The following RAD51C variants were observed in gnomAD, a reference collection of about 807,000 sequenced individuals.
RAD51C encodes RAD51 paralog C, also known as DNA repair protein RAD51 homolog 3.
RAD51C carries 42 observed loss-of-function variants against 45.0 expected under a neutral mutation model. That is an observed-to-expected ratio of 0.93 (90% CI 0.73 to 1.21). The LOEUF (loss-of-function observed/expected upper bound fraction) is 1.21, where lower values mean the gene tolerates loss of function less well. Among genes scored for constraint, RAD51C ranks in the 50% most tolerant of loss-of-function variants. The pLI, the probability that RAD51C is intolerant of heterozygous loss-of-function variation, is 0.00. For synonymous variants in RAD51C, 172 were observed against 159.8 expected (o/e 1.08, Z -0.58); for missense variants, 474 against 452.2 (o/e 1.05, Z -0.44).
chr17:58,701,409 G>A (rs1269544536), intron 3 of RAD51C, among the ~76,000 whole-genome samples: 1 of 151,548 alleles, frequency 6.6e-6, no homozygotes, highest in Non-Finnish European at 1.5e-5. Flanking sequence ...TGGGGAGGCT[G>A]AGGCAGGAGA....
At position 58,692,720 on chromosome 17, in the gene RAD51C, A is replaced by C. The variant is rs746026526; in HGVS notation, c.77A>C (p.Lys26Thr). Residue 26 changes from lysine (K) to threonine (T), a missense_variant, in exon 1 of 9, where the codon AAG (lysine) becomes ACG (threonine). Lys to Thr is a moderately conservative substitution (Grantham distance 78). Transcript: ENST00000337432. ...CCGCTGTCTCCAGCGGTGCGGGTGAAGCTGGTGTCTGCGGGGTTCCAGACT... is the reference window on the plus strand; with the variant it reads ...CCGCTGTCTCCAGCGGTGCGGGTGACGCTGGTGTCTGCGGGGTTCCAGACT... ...SFPLSPAVRV[K>T]LVSAGFQTAE... is the part of the protein sequence containing the mutation. The C allele has an allele frequency of 1.2e-6, 2 of 1,614,228 alleles. No homozygotes were observed. Among genetic ancestry groups the C allele is most frequent in the Non-Finnish European group, 1.7e-6 (2 of 1,180,042 alleles).
chr17:58,696,811 G>GC lies in RAD51C; in HGVS notation c.525dup (p.Cys176LeufsTer27), dbSNP rs768793789. ...TGATAGAGTGGTAGACCTTGCTACT[G>GC]CCTGCATTCAGCACCTTCAGCTTAT... On this transcript the variant is annotated frameshift_variant, in exon 3 of 9. Transcript: ENST00000337432. LOFTEE classifies it high-confidence loss of function. 2 of 1,614,170 alleles carry GC rather than the reference G, an allele frequency of 1.2e-6. No homozygotes were observed. Among genetic ancestry groups the GC allele is most frequent in the Non-Finnish European group, 1.7e-6 (2 of 1,180,020 alleles).
intron 4 of RAD51C, among the ~76,000 whole-genome samples, chr17:58,707,445 C>G (rs1734976095): frequency 6.6e-6 from 1 of 151,556 alleles, no homozygotes; most frequent in Admixed American, 6.6e-5. Context: ...TTGCTTGAAC[C>G]AGGGAGGTGG....
At chr17:58,729,965 G>A (rs906258431) in intron 7 of RAD51C, among the ~76,000 whole-genome samples, 1 of 151,816 alleles carries the variant, frequency 6.6e-6, no homozygotes, top group Non-Finnish European at 1.5e-5. Context: ...CACCTTTTTT[G>A]GACATACTGT....
In RAD51C at chr17:58,703,221, C is replaced by A. The variant is rs1310279611; in HGVS notation, c.597C>A (p.Phe199Leu). ...AACACCGAAAAGCTTTGGAGGATTTCACTCTTGATAATATTCTTTCTCATA... is the reference window on the plus strand; with the variant it reads ...AACACCGAAAAGCTTTGGAGGATTTAACTCTTGATAATATTCTTTCTCATA... ...GEEHRKALED[F>L]TLDNILSHIY... The change falls in exon 4 of 9, where the codon TTC becomes TTA. Residue 199 changes from phenylalanine (F) to leucine (L), a missense_variant. Phe to Leu is a conservative substitution (Grantham distance 22). Coordinates refer to ENST00000337432, the MANE Select transcript of RAD51C (RefSeq NM_058216.3). The A allele has an allele frequency of 6.2e-7, 1 of 1,610,942 alleles. No homozygotes were observed. The highest frequency in any genetic ancestry group is 1.1e-5 in the South Asian group (1 of 91,002).
chr17:58,700,505 C>T (rs1176932708), intron 3 of RAD51C, among the ~76,000 whole-genome samples: 3 of 151,484 alleles, frequency 2.0e-5, no homozygotes, highest in Non-Finnish European at 2.9e-5. Flanking sequence ...TGCAGTGGCG[C>T]GATCTGGGCT....
chr17:58,703,500 A>C (rs1008767172), intron 4 of RAD51C, among the ~76,000 whole-genome samples, 171 bp downstream of exon 4: 1 of 152,202 alleles, frequency 6.6e-6, no homozygotes, highest in African/African-American at 2.4e-5. Context: ...TTGTGTATGT[A>C]TATGTATATA....
At position 58,717,046 on chromosome 17, in the gene RAD51C, G is replaced by A. The variant is rs957128038; in HGVS notation, c.838-3700G>A. Reference sequence around the variant, plus strand: ...CTCGCTCTGACCTCGTGATCCGCCCGCCTCGGCCTCCCAAAGTGCTGGGAT... The same window carrying A: ...CTCGCTCTGACCTCGTGATCCGCCCACCTCGGCCTCCCAAAGTGCTGGGAT... On this transcript the variant is annotated intron_variant, in intron 5 of 8. Transcript: ENST00000337432. 4.2e-4 allele frequency among the ~76,000 whole-genome samples: 64 copies of A among 151,968 alleles called. 1 individual carries two copies. Among genetic ancestry groups the A allele is most frequent in the African/African-American group, 1.3e-3 (55 of 41,510 alleles).
intron 3 of RAD51C, among the ~76,000 whole-genome samples, chr17:58,699,545 A>G (rs1268913747): frequency 1.3e-5 from 2 of 152,102 alleles, no homozygotes; most frequent in Non-Finnish European, 1.5e-5. Context: ...CCACCCTGAA[A>G]TATGCCACTT....
chr17:58,692,584 G>A (rs2143667170), upstream of RAD51C: 2 of 1,597,976 alleles, frequency 1.3e-6, no homozygotes, highest in African/African-American at 1.4e-5. Flanking sequence ...ACGTCACGCC[G>A]CACGCCCCAG....
intron 4 of RAD51C, among the ~76,000 whole-genome samples, chr17:58,708,724 G>A (rs1229375830): frequency 6.6e-6 from 1 of 151,908 alleles, no homozygotes; most frequent in East Asian, 1.9e-4. Context: ...CTTTTGAAAG[G>A]GTTTTGCTCT....
rs567685905 is a variant in RAD51C at position 58,727,388 on chromosome 17, T to A, written c.965+3288T>A. Among the ~76,000 whole-genome samples, 8 of 152,158 alleles carry A rather than the reference T, an allele frequency of 5.3e-5. No homozygotes were observed. The South Asian group carries it at 1.7e-3, about 32-fold the overall frequency. On this transcript the variant is annotated intron_variant, in intron 7 of 8. Coordinates refer to ENST00000337432, the MANE Select transcript of RAD51C (RefSeq NM_058216.3). Reference sequence around the variant, plus strand: ...ACCTGCCCACCTCAGCCTCTCAAAGTGCTGGGATTACAGGCATGAGCCACC... The same window carrying A: ...ACCTGCCCACCTCAGCCTCTCAAAGAGCTGGGATTACAGGCATGAGCCACC...
intron 4 of RAD51C, among the ~76,000 whole-genome samples, chr17:58,706,860 CTATT>C (rs989494837): frequency 6.6e-6 from 1 of 152,150 alleles, no homozygotes; most frequent in African/African-American, 2.4e-5. Flanking sequence ...CATGGATAAT[CTATT>C]TATAGAGTCA....
At chr17:58,732,658 A>T (rs2049480406) in intron 8 of RAD51C, 114 bp downstream of exon 8, 2 of 985,264 alleles carry the variant, frequency 2.0e-6, no homozygotes, top group Non-Finnish European at 3.2e-6. Context: ...ATATTTGAGG[A>T]CAGCTTTTGA....
rs565314848 is a variant in RAD51C at position 58,706,423 on chromosome 17, C to A, written c.705+3094C>A. On this transcript the variant is annotated intron_variant, in intron 4 of 8. Coordinates refer to ENST00000337432, the MANE Select transcript of RAD51C (RefSeq NM_058216.3). ...CCAGCCTGAGTGACAGAGTGAGACTCCATCTCAAAAAAATAATAATAATTA... is the reference window on the plus strand; with the variant it reads ...CCAGCCTGAGTGACAGAGTGAGACTACATCTCAAAAAAATAATAATAATTA... The A allele has an allele frequency of 1.2e-3, 385 of 318,874 alleles. 9 individuals are homozygous for A. The highest frequency in any genetic ancestry group is 0.011 in the South Asian group (376 of 35,612). 19.8% of individuals were successfully genotyped at this position (318,874 alleles called of 1,614,324 possible).
intron 5 of RAD51C, among the ~76,000 whole-genome samples, chr17:58,719,878 G>A (rs1164274789): frequency 2.7e-5 from 4 of 150,818 alleles, no homozygotes; most frequent in East Asian, 4.0e-4. Context: ...ACAGGCGCCC[G>A]CCACCACGCC....
chr17:58,692,947 A>G (rs760603345), intron 1 of RAD51C, 159 bp downstream of exon 1: 150 of 1,059,176 alleles, frequency 1.4e-4, no homozygotes, highest in Non-Finnish European at 1.8e-4. Context: ...TCCACTTACA[A>G]GTTGTCTGAA....
intron 1 of RAD51C, 61 bp from the exon 2 acceptor site, chr17:58,694,870 T>C: frequency 7.1e-7 from 1 of 1,400,384 alleles, no homozygotes; most frequent in Admixed American, 1.7e-5. Flanking sequence ...GACAATCGAT[T>C]ATCATGTTAC....
At chr17:58,729,058 C>G (rs2049292233) in intron 7 of RAD51C, among the ~76,000 whole-genome samples, 1 of 152,172 alleles carries the variant, frequency 6.6e-6, no homozygotes, top group Non-Finnish European at 1.5e-5. Context: ...TTCTTCCTGA[C>G]CCAAACTATG....
Sources: gnomAD v4.1 joint callset for allele counts (sites outside exome capture counted in the v4.1 genomes callset) on GRCh38, gnomAD v4.1.1 for gene constraint, MANE v1.5 for transcripts, NCBI Gene and HGNC (gene_info 2026-07-23, HGNC 2026-07-21) for gene names.